Variants in KCNMA1 observed in about 807,000 individuals in gnomAD.
KCNMA1 encodes potassium calcium-activated channel subfamily M alpha 1.
A neutral mutation model predicts 140.0 loss-of-function variants in KCNMA1; 29 were observed. The ratio of observed to expected loss-of-function variants is 0.21; its 90% confidence interval spans 0.15 to 0.28. The LOEUF (loss-of-function observed/expected upper bound fraction) is 0.28. KCNMA1 is among the 10% of genes least tolerant of loss of function. The pLI, the probability that KCNMA1 is intolerant of heterozygous loss-of-function variation, is 1.00. For synonymous variants in KCNMA1, 612 were observed against 611.9 expected (o/e 1.00, Z 0.00); for missense variants, 880 against 1,602.2 (o/e 0.55, Z 7.70).
intron 9 of KCNMA1, among the ~76,000 whole-genome samples, chr10:77,092,803 A>G (rs930292669): frequency 2.6e-5 from 4 of 152,220 alleles, no homozygotes; most frequent in Non-Finnish European, 5.9e-5. Flanking sequence ...CCTACCCAGC[A>G]TGCAAAGAAC....
intron 9 of KCNMA1, among the ~76,000 whole-genome samples, chr10:77,099,222 C>T (rs1352495861): frequency 5.3e-5 from 8 of 152,018 alleles, no homozygotes; most frequent in Non-Finnish European, 7.4e-5. Flanking sequence ...ATTTACAAAG[C>T]GAGCCCCACC....
chr10:77,462,272 C>T (rs542841214), intron 1 of KCNMA1, among the ~76,000 whole-genome samples: 7 of 152,140 alleles, frequency 4.6e-5, no homozygotes, highest in African/African-American at 1.4e-4. Context: ...CACACTGATG[C>T]TAACACATAC....
intron 1 of KCNMA1, among the ~76,000 whole-genome samples, chr10:77,579,067 C>G (rs935516568): frequency 2.0e-5 from 3 of 152,138 alleles, no homozygotes; most frequent in Non-Finnish European, 2.9e-5. Flanking sequence ...CTAAACCAAA[C>G]AGGATGAAAG....
At chr10:76,871,313 G>T (rs1185088752) in exon 28 of KCNMA1, 1 of 152,756 alleles carries the variant, frequency 6.5e-6, no homozygotes, top group Admixed American at 6.5e-5. Flanking sequence ...TCCGCTTCTT[G>T]CCTGCTTCTC....
Position 77,004,763 on chromosome 10 carries a change from C to T in KCNMA1, c.2093-3183G>A, listed in dbSNP as rs114736253. Among the ~76,000 whole-genome samples the T allele has an allele frequency of 8.8e-3, 1,338 of 152,254 alleles. 17 individuals carry two copies. The highest frequency in any genetic ancestry group is 0.03 in the African/African-American group (1,235 of 41,536). On this transcript the variant is annotated intron_variant, in intron 18 of 27. Transcript: ENST00000286628. ...CTCTCAACTCTCTCTGGCTTCCTAA[C>T]CCTTCAATTTTGTTACAGTGAATCA...
At chr10:77,444,024 CATTT>C (rs2097469626) in intron 1 of KCNMA1, among the ~76,000 whole-genome samples, 1 of 152,074 alleles carries the variant, frequency 6.6e-6, no homozygotes, top group African/African-American at 2.4e-5. Flanking sequence ...TACATATGTA[CATTT>C]ATTATTTATC....
chr10:77,191,789 G>A (rs371203748), intron 3 of KCNMA1, among the ~76,000 whole-genome samples: 1 of 152,004 alleles, frequency 6.6e-6, no homozygotes, highest in African/African-American at 2.4e-5. Flanking sequence ...AACAGTTTTT[G>A]TTACTCTGCA....
chr10:76,906,433 ATGTC>A (rs2047863718), intron 25 of KCNMA1, among the ~76,000 whole-genome samples: 1 of 152,220 alleles, frequency 6.6e-6, no homozygotes, highest in South Asian at 2.1e-4. Flanking sequence ...CCACAGGGCC[ATGTC>A]TGTAACATCC....
Position 76,886,835 on chromosome 10 carries a change from A to G in KCNMA1, c.*431T>C. On this transcript the variant is annotated 3_prime_UTR_variant, in exon 28 of 28. Coordinates refer to ENST00000286628, the MANE Select transcript of KCNMA1 (RefSeq NM_001161352.2). ...TATTGTGTGTATAAAAAAAGAAAGA[A>G]AGGAAAACAACAACAACAACAAAAT... The G allele has an allele frequency of 9.3e-6, 10 of 1,078,166 alleles. No individual in the cohort carries two copies. The highest frequency in any genetic ancestry group is 1.1e-5 in the Non-Finnish European group (10 of 885,734). 66.8% of individuals were successfully genotyped at this position (1,078,166 alleles called of 1,614,324 possible).
intron 15 of KCNMA1, among the ~76,000 whole-genome samples, chr10:77,030,500 G>A (rs936112342): frequency 2.0e-5 from 3 of 152,130 alleles, no homozygotes; most frequent in African/African-American, 4.8e-5. Flanking sequence ...AGTATGGATC[G>A]TGCAAAGGTT....
At chr10:77,039,038 G>A (rs1359295602) in intron 15 of KCNMA1, 4 of 197,872 alleles carry the variant, frequency 2.0e-5, no homozygotes, top group South Asian at 1.1e-4. Flanking sequence ...GCCTCCTTCT[G>A]TATATTTGGT....
At chr10:77,162,275 C>A (rs1303356556) in intron 5 of KCNMA1, among the ~76,000 whole-genome samples, 4 of 152,142 alleles carry the variant, frequency 2.6e-5, no homozygotes, top group Non-Finnish European at 5.9e-5. Context: ...ATCTCTCAGA[C>A]AATTATGTTC....
chr10:77,234,738 A>G (rs1296377285), intron 3 of KCNMA1, among the ~76,000 whole-genome samples: 1 of 152,208 alleles, frequency 6.6e-6, no homozygotes, highest in Non-Finnish European at 1.5e-5. Flanking sequence ...CCATACTTAC[A>G]GTTAAGGGAA....
chr10:77,380,364 T>C (rs753484949), intron 2 of KCNMA1, among the ~76,000 whole-genome samples: 2 of 152,170 alleles, frequency 1.3e-5, no homozygotes, highest in Non-Finnish European at 2.9e-5. Flanking sequence ...TGGTCTCTAA[T>C]TTTGAGAAGC....
intron 25 of KCNMA1, among the ~76,000 whole-genome samples, chr10:76,908,263 C>T (rs1347765774): frequency 3.9e-5 from 6 of 152,084 alleles, no homozygotes; most frequent in Admixed American, 1.3e-4. Context: ...CAAACTGAGC[C>T]CAACATCACT....
downstream of KCNMA1, among the ~76,000 whole-genome samples, chr10:76,882,114 G>C (rs1044223706): frequency 1.3e-5 from 2 of 152,200 alleles, no homozygotes; most frequent in South Asian, 4.1e-4. Flanking sequence ...GGCTGACTGA[G>C]CTGCCACCAG....
intron 18 of KCNMA1, among the ~76,000 whole-genome samples, chr10:77,010,527 C>A (rs1259609359): frequency 6.6e-6 from 1 of 151,960 alleles, no homozygotes; most frequent in Non-Finnish European, 1.5e-5. Flanking sequence ...CGATAAGAGT[C>A]TGGGGGAAGG....
chr10:77,306,651 T>C (rs1050109313), intron 2 of KCNMA1, among the ~76,000 whole-genome samples: 1 of 152,234 alleles, frequency 6.6e-6, no homozygotes, highest in African/African-American at 2.4e-5. Flanking sequence ...AGAAAGATTC[T>C]ACCAGCCGCA....
intron 1 of KCNMA1, among the ~76,000 whole-genome samples, chr10:77,477,637 C>G (rs2154530505): frequency 6.6e-6 from 1 of 152,288 alleles, no homozygotes; most frequent in South Asian, 2.1e-4. Flanking sequence ...GGGAGTGGCA[C>G]TTTGTTACTT....
Sources: gnomAD v4.1 joint callset for allele counts (sites outside exome capture counted in the v4.1 genomes callset) on GRCh38, gnomAD v4.1.1 for gene constraint, MANE v1.5 for transcripts, NCBI Gene and HGNC (gene_info 2026-07-23, HGNC 2026-07-21) for gene names.